TF: variants seen among roughly 807,000 people sequenced by gnomAD.
TF encodes the protein serotransferrin.
TF carries 55 observed loss-of-function variants against 82.4 expected under a neutral mutation model. The observed-to-expected ratio is 0.67, with a 90% CI of 0.54 to 0.84. The LOEUF (loss-of-function observed/expected upper bound fraction) is 0.84, where lower values mean the gene tolerates loss of function less well. Among genes scored for constraint, TF ranks in the 40% least tolerant of loss-of-function variants. TF has a pLI of 0.00. For missense variants in TF, 737 were observed against 868.4 expected, an observed-to-expected ratio of 0.85 and a Z score of 1.90; for synonymous variants, 332 against 332.6, an observed-to-expected ratio of 1.00 and a Z score of 0.02.
At chr3:133,739,874 C>T in the TF span, among the ~76,000 whole-genome samples, 1,496 of 152,330 alleles carry the variant, frequency 9.8e-3, 23 homozygotes, top group African/African-American at 0.034. Context: ...AATGCTTTTA[C>T]ACTGTTGGTG....
upstream of TF, chr3:133,746,236 G>A: frequency 1.5e-6 from 1 of 645,338 alleles, no homozygotes; most frequent in Non-Finnish European, 2.8e-6. Flanking sequence ...CGTCTCCAGA[G>A]CTCAGAAAAT....
At chr3:133,710,329 G>A in the TF span, among the ~76,000 whole-genome samples, 7 of 152,170 alleles carry the variant, frequency 4.6e-5, no homozygotes, top group Non-Finnish European at 1.0e-4. Context: ...GCAGCTGAAC[G>A]TGGCTGGAGA....
In TF at chr3:133,759,468, C is replaced by T. The variant is rs1053856165; in HGVS notation, c.1203+139C>T. ...CCTTGCCCTGACTATGTGAGCACAG[C>T]CCCACCGGAGGTTCAGAATCTTTGA... is the stretch of plus-strand genomic sequence containing the variant. On this transcript the variant is annotated intron_variant, in intron 9 of 16. Transcript: ENST00000402696. The T allele has an allele frequency of 2.6e-5, 27 of 1,030,390 alleles. No individual in the cohort carries two copies. In the Middle Eastern group the frequency reaches 7.8e-4, roughly 30 times the overall value. The allele number at this position is 1,030,390 out of a possible 1,614,324, so 63.8% of individuals were successfully genotyped here. A position where few individuals can be genotyped will look rare whatever the true frequency, so the allele number is the denominator to read the frequency against.
Position 133,770,516 on chromosome 3 carries a change from T to A in TF, c.1631T>A (p.Val544Asp). 3 of 1,614,070 alleles carry A rather than the reference T, an allele frequency of 1.9e-6. No homozygotes were observed. Among genetic ancestry groups the A allele is most frequent in the Non-Finnish European group, 2.5e-6 (3 of 1,179,978 alleles). ...CTTCTGGACCTCTGCAGGTGTCTGGTTGAGAAGGGAGATGTGGCCTTTGTG... is the reference window on the plus strand; with the variant it reads ...CTTCTGGACCTCTGCAGGTGTCTGGATGAGAAGGGAGATGTGGCCTTTGTG... ...YGYTGAFRCL[V>D]EKGDVAFVKH... Residue 544 changes from valine to aspartate, a missense_variant, in exon 14 of 17, where the codon GTT becomes GAT. Transcript: ENST00000402696.
intron 12 of TF, 93 bp downstream of exon 12, chr3:133,766,526 G>A: frequency 6.4e-7 from 1 of 1,553,666 alleles, no homozygotes; most frequent in East Asian, 2.2e-5. Flanking sequence ...AGGTGCTGTG[G>A]GCTCTGGTTC....
At chr3:133,724,756 C>T in the TF span, among the ~76,000 whole-genome samples, 29 of 152,178 alleles carry the variant, frequency 1.9e-4, no homozygotes, top group African/African-American at 7.0e-4. Flanking sequence ...ATGGTATTGC[C>T]TAGGTTTTCT....
chr3:133,662,398 GGTCT>G, the TF span: 1 of 152,240 alleles, frequency 6.6e-6, no homozygotes, highest in Non-Finnish European at 1.5e-5. Context: ...ACTGCATCCA[GGTCT>G]TCTGACTACG....
rs888643315 is a variant in TF at position 133,781,588 on chromosome 3, T to G, written c.*2968T>G. On this transcript the variant is annotated 3_prime_UTR_variant, in exon 17 of 17. Coordinates refer to ENST00000402696, the MANE Select transcript of TF (RefSeq NM_001063.4). Reference sequence around the variant, plus strand: ...AGACTCAGTATTGTAAAGATGTCAATTCTCCCTAAATTAATCAATATACAA... The same window carrying G: ...AGACTCAGTATTGTAAAGATGTCAAGTCTCCCTAAATTAATCAATATACAA... The G allele has an allele frequency of 1.3e-5, 2 of 152,114 alleles. No individual in the cohort carries two copies. The highest frequency in any genetic ancestry group is 1.5e-5 in the Non-Finnish European group (1 of 68,020). 9.4% of individuals were successfully genotyped at this position (152,114 alleles called of 1,614,324 possible).
chr3:133,785,526 G>GC lies in TF; in HGVS notation c.*6910dup, dbSNP rs1252419283. 1.1e-5 allele frequency: 1 copy of GC among 92,994 alleles called. No individual in the cohort carries two copies. The highest frequency in any genetic ancestry group is 2.3e-5 in the Non-Finnish European group (1 of 42,958). 5.8% of individuals were successfully genotyped at this position (92,994 alleles called of 1,614,324 possible). On this transcript the variant is annotated 3_prime_UTR_variant, in exon 17 of 17. Transcript: ENST00000402696. ...GGTCAGCCCCCCTGCCCGGCCAGTGGCCCCGTCCGGGAGGTGAGGGGCGCC... is the reference window on the plus strand; with the variant it reads ...GGTCAGCCCCCCTGCCCGGCCAGTGGCCCCCGTCCGGGAGGTGAGGGGCGCC...
rs767033629 is a variant in TF, at chr3:133,777,183, C to T, written c.2007C>T (p.Tyr669=). Residue 669 remains tyrosine, a synonymous_variant, in exon 16 of 17, where the codon TAC becomes TAT. Coordinates refer to ENST00000402696, the MANE Select transcript of TF (RefSeq NM_001063.4). ...ATGACAGAAACACATATGAAAAATACTTAGGAGAAGAATATGTCAAGGCTG... is the reference window on the plus strand; with the variant it reads ...ATGACAGAAACACATATGAAAAATATTTAGGAGAAGAATATGTCAAGGCTG... ...KLHDRNTYEK[Y]LGEEYVKAVG... The T allele has an allele frequency of 8.7e-6, 14 of 1,613,940 alleles. No individual in the cohort carries two copies. The highest frequency in any genetic ancestry group is 5.3e-5 in the African/African-American group (4 of 74,920).
At chr3:133,668,341 G>A in the TF span, among the ~76,000 whole-genome samples, 1 of 152,152 alleles carries the variant, frequency 6.6e-6, no homozygotes, top group East Asian at 1.9e-4. Flanking sequence ...AATAGAAAAT[G>A]AAGATCCTCC....
the TF span, among the ~76,000 whole-genome samples, chr3:133,721,698 A>G: frequency 6.6e-6 from 1 of 152,202 alleles, no homozygotes; most frequent in Non-Finnish European, 1.5e-5. Context: ...GTCCTCTATT[A>G]TCACTGTATT....
At chr3:133,759,386 C>CT in intron 9 of TF, 57 bp downstream of exon 9, 1 of 1,603,316 alleles carries the variant, frequency 6.2e-7, no homozygotes. Context: ...CTGCTGGCCC[C>CT]CAAGACTGAG....
At chr3:133,681,721 G>A in the TF span, among the ~76,000 whole-genome samples, 9 of 152,334 alleles carry the variant, frequency 5.9e-5, no homozygotes, top group Admixed American at 5.9e-4. Context: ...ACTGGGTGAA[G>A]CCCACTGCAG....
chr3:133,711,577 C>T, the TF span, among the ~76,000 whole-genome samples: 1 of 152,076 alleles, frequency 6.6e-6, no homozygotes, highest in Non-Finnish European at 1.5e-5. Flanking sequence ...CCAATTTCTC[C>T]TCCTTCCACT....
the TF span, among the ~76,000 whole-genome samples, chr3:133,668,894 ACT>A: frequency 6.6e-6 from 1 of 151,978 alleles, no homozygotes; most frequent in Non-Finnish European, 1.5e-5. Flanking sequence ...ATCCACTCTG[ACT>A]CTCATAGTTT....
chr3:133,753,258 C>T (rs527889758), intron 2 of TF, among the ~76,000 whole-genome samples: 5 of 152,262 alleles, frequency 3.3e-5, no homozygotes, highest in Admixed American at 2.0e-4. Flanking sequence ...TCTGGGGTGG[C>T]GAGGGCGGCT....
chr3:133,759,051 A>C, intron 8 of TF, 124 bp from the exon 9 acceptor site: 1 of 1,226,672 alleles, frequency 8.2e-7, no homozygotes, highest in Non-Finnish European at 1.2e-6. Flanking sequence ...TAATTCCTTG[A>C]ATGGGGTCTG....
the TF span, among the ~76,000 whole-genome samples, chr3:133,720,930 A>T: frequency 6.6e-6 from 1 of 152,062 alleles, no homozygotes; most frequent in African/African-American, 2.4e-5. Flanking sequence ...TTTCTGTGGT[A>T]TCAGTTATAA....
Sources: allele counts gnomAD v4.1 joint callset (sites outside exome capture counted in the v4.1 genomes callset), GRCh38; gene constraint gnomAD v4.1.1; transcripts MANE v1.5; gene names NCBI Gene and HGNC (gene_info 2026-07-23, HGNC 2026-07-21).